Variants in RANBP2 observed in about 807,000 individuals in gnomAD.
RANBP2 encodes the protein RAN binding protein 2, also known as E3 SUMO-protein ligase RanBP2.
A neutral mutation model predicts 303.6 loss-of-function variants in RANBP2; 57 were observed. That is an observed-to-expected ratio of 0.19 (90% confidence interval 0.15 to 0.23). RANBP2 has a LOEUF of 0.23. Among genes scored for constraint, RANBP2 ranks in the 10% least tolerant of loss-of-function variants. RANBP2 has a pLI of 1.00. For missense variants in RANBP2, 3,138 were observed against 3,780.8 expected (o/e 0.83, Z 4.46); for synonymous variants, 1,167 against 1,301.5 (o/e 0.90, Z 2.23).
the RANBP2 span, among the ~76,000 whole-genome samples, chr2:108,845,191 T>C: frequency 6.6e-6 from 1 of 152,202 alleles, no homozygotes; most frequent in Non-Finnish European, 1.5e-5. Context: ...TTTTTCTATT[T>C]TTTACACAAA....
the RANBP2 span, among the ~76,000 whole-genome samples, chr2:109,098,708 T>C: frequency 1.3e-5 from 2 of 152,228 alleles, no homozygotes; most frequent in Admixed American, 6.5e-5. Flanking sequence ...TTAAATGTAC[T>C]GTAATTTTGT....
the RANBP2 span, among the ~76,000 whole-genome samples, chr2:109,673,618 C>G: frequency 7.2e-5 from 11 of 152,280 alleles, no homozygotes; most frequent in East Asian, 2.1e-3. Flanking sequence ...AGTCCCAGCA[C>G]TTTGGGAGGC....
chr2:108,981,495 T>C, the RANBP2 span, among the ~76,000 whole-genome samples: 3 of 152,168 alleles, frequency 2.0e-5, no homozygotes, highest in Non-Finnish European at 4.4e-5. Flanking sequence ...CATTTTCCGC[T>C]CTAGCTCCCA....
chr2:109,505,462 C>CA, the RANBP2 span, among the ~76,000 whole-genome samples: 2 of 152,178 alleles, frequency 1.3e-5, no homozygotes, highest in African/African-American at 4.8e-5. Flanking sequence ...TGCTTGAGCC[C>CA]AGGAGTTCAA....
the RANBP2 span, among the ~76,000 whole-genome samples, chr2:109,108,460 A>G: frequency 4.6e-5 from 7 of 152,202 alleles, no homozygotes; most frequent in African/African-American, 1.7e-4. Context: ...CTATTGGAGA[A>G]GCAAGCCCAC....
the RANBP2 span, among the ~76,000 whole-genome samples, chr2:109,593,805 A>G: frequency 6.6e-6 from 1 of 152,168 alleles, no homozygotes; most frequent in Non-Finnish European, 1.5e-5. Flanking sequence ...GAATGCTACA[A>G]TTGTGGTGTG....
the RANBP2 span, among the ~76,000 whole-genome samples, chr2:109,731,302 GTTGGAGTAAATA>G: frequency 7.2e-5 from 11 of 152,186 alleles, no homozygotes; most frequent in Admixed American, 5.2e-4. Flanking sequence ...AGGAGAATTA[GTTGGAGTAAATA>G]TTGGAAGATG....
At chr2:109,321,687 A>G in the RANBP2 span, among the ~76,000 whole-genome samples, 1 of 152,248 alleles carries the variant, frequency 6.6e-6, no homozygotes, top group African/African-American at 2.4e-5. Context: ...ATAAATTTGT[A>G]ATAAGTGTCA....
At chr2:109,326,499 C>CT in the RANBP2 span, among the ~76,000 whole-genome samples, 1 of 152,118 alleles carries the variant, frequency 6.6e-6, no homozygotes, top group Non-Finnish European at 1.5e-5. Flanking sequence ...GCGCCCTTGC[C>CT]GACACTTGCT....
At chr2:108,854,646 A>C in the RANBP2 span, among the ~76,000 whole-genome samples, 1 of 152,094 alleles carries the variant, frequency 6.6e-6, no homozygotes, top group African/African-American at 2.4e-5. Flanking sequence ...TTTATTTACC[A>C]GCTCACAATT....
chr2:108,898,864 CTA>C, the RANBP2 span, among the ~76,000 whole-genome samples: 1 of 152,068 alleles, frequency 6.6e-6, no homozygotes, highest in African/African-American at 2.4e-5. Context: ...ATAATGGAAA[CTA>C]GAAGTGGAAA....
chr2:108,824,074 G>T, the RANBP2 span, among the ~76,000 whole-genome samples: 1 of 152,136 alleles, frequency 6.6e-6, no homozygotes, highest in African/African-American at 2.4e-5. Context: ...GAGTCAGTGA[G>T]TGAGTAGTGA....
chr2:108,808,925 T>C, the RANBP2 span, among the ~76,000 whole-genome samples: 1,603 of 152,330 alleles, frequency 0.011, 17 homozygotes, highest in Middle Eastern at 0.031. Flanking sequence ...TCCCATTTTT[T>C]CCTCTAGTAG....
the RANBP2 span, among the ~76,000 whole-genome samples, chr2:109,687,887 A>G: frequency 1.3e-5 from 2 of 151,922 alleles, no homozygotes; most frequent in African/African-American, 2.4e-5. Flanking sequence ...GGGACTACAC[A>G]CGTGCACCAC....
the RANBP2 span, among the ~76,000 whole-genome samples, chr2:109,520,567 T>A: frequency 9.0e-5 from 11 of 122,824 alleles, no homozygotes; most frequent in African/African-American, 3.5e-4. Context: ...GCCACTGTAC[T>A]CCAGCCTGTG....
the RANBP2 span, among the ~76,000 whole-genome samples, chr2:108,885,634 T>C: frequency 6.6e-6 from 1 of 152,224 alleles, no homozygotes; most frequent in Non-Finnish European, 1.5e-5. Context: ...GTATTTGGGG[T>C]GTCCACCCGA....
At chr2:109,240,525 G>T in the RANBP2 span, among the ~76,000 whole-genome samples, 1 of 152,260 alleles carries the variant, frequency 6.6e-6, no homozygotes, top group East Asian at 1.9e-4. Context: ...CCAGAGTCAG[G>T]GTTGGGCTTG....
chr2:109,037,951 A>T, the RANBP2 span, among the ~76,000 whole-genome samples: 1,557 of 152,340 alleles, frequency 0.01, 22 homozygotes, highest in African/African-American at 0.03. Flanking sequence ...AGACAATCTT[A>T]TCCCAAATTT....
chr2:109,201,840 G>T, the RANBP2 span, among the ~76,000 whole-genome samples: 1 of 152,200 alleles, frequency 6.6e-6, no homozygotes, highest in Admixed American at 6.5e-5. Flanking sequence ...GGGGCATAGT[G>T]CCCTCCCTCC....
Sources: allele counts gnomAD v4.1 joint callset (sites outside exome capture counted in the v4.1 genomes callset), GRCh38; gene constraint gnomAD v4.1.1; transcripts MANE v1.5; gene names NCBI Gene and HGNC (gene_info 2026-07-23, HGNC 2026-07-21).